Variants in ARHGAP10 observed in about 807,000 individuals in gnomAD.
The protein encoded by ARHGAP10 is rho GTPase-activating protein 10.
A neutral mutation model predicts 108.6 loss-of-function variants in ARHGAP10; 87 were observed. That is an observed-to-expected ratio of 0.80 (90% CI 0.67 to 0.96). The LOEUF is 0.96. Ranked by LOEUF, ARHGAP10 falls within the 40% of genes least tolerant of loss-of-function variation. ARHGAP10 has a pLI of 0.00. For synonymous variants in ARHGAP10, 347 were observed against 341.1 expected, an observed-to-expected ratio of 1.02 and a Z score of -0.19; for missense variants, 939 against 954.5, an observed-to-expected ratio of 0.98 and a Z score of 0.21.
intron 1 of ARHGAP10, among the ~76,000 whole-genome samples, chr4:147,733,728 A>G (rs1228581671): frequency 6.6e-6 from 1 of 152,190 alleles, no homozygotes; most frequent in African/African-American, 2.4e-5. Flanking sequence ...GAATAAGTTG[A>G]AGTACATTTC....
chr4:147,989,793 T>TGTCTTA (rs1453348554), intron 18 of ARHGAP10, among the ~76,000 whole-genome samples: 8 of 152,186 alleles, frequency 5.3e-5, no homozygotes, highest in African/African-American at 1.9e-4. Flanking sequence ...CCTGAGATGA[T>TGTCTTA]ATACATCCTT....
chr4:147,886,217 A>G lies in ARHGAP10; in HGVS notation c.1034+4285A>G, dbSNP rs118158362. ...TCATTGCAAGCATTTTGGATAAAGGATACTCAACCGGTGCATTGCCAATTC... is the reference window on the plus strand; with the variant it reads ...TCATTGCAAGCATTTTGGATAAAGGGTACTCAACCGGTGCATTGCCAATTC... On this transcript the variant is annotated intron_variant, in intron 10 of 22. Coordinates refer to ENST00000336498, the MANE Select transcript of ARHGAP10 (RefSeq NM_024605.4). 3.7e-4 allele frequency among the ~76,000 whole-genome samples: 56 copies of G among 152,350 alleles called. 1 individual carries two copies. The East Asian group carries it at 8.5e-3, about 23-fold the overall frequency.
rs556403162 is a variant in ARHGAP10, at chr4:147,969,583, G to A, written c.1716+2744G>A. On this transcript the variant is annotated intron_variant, in intron 18 of 22. Transcript: ENST00000336498. ...TTATTTGTGAAAATACTGGCTCTGGGTCTTGCTCTTGGATAAAAGGATCTC... is the reference window on the plus strand; with the variant it reads ...TTATTTGTGAAAATACTGGCTCTGGATCTTGCTCTTGGATAAAAGGATCTC... 4.6e-5 allele frequency among the ~76,000 whole-genome samples: 7 copies of A among 152,234 alleles called. No individual in the cohort carries two copies. The South Asian group carries it at 1.2e-3, about 27-fold the overall frequency.
At chr4:147,779,046 T>C (rs1332616897) in intron 1 of ARHGAP10, among the ~76,000 whole-genome samples, 2 of 152,178 alleles carry the variant, frequency 1.3e-5, no homozygotes, top group African/African-American at 4.8e-5. Context: ...GGGCAGTGGT[T>C]CCCAGGGTTT....
At chr4:147,839,442 G>A (rs912198811) in intron 3 of ARHGAP10, among the ~76,000 whole-genome samples, 1 of 152,112 alleles carries the variant, frequency 6.6e-6, no homozygotes, top group African/African-American at 2.4e-5. Flanking sequence ...AATTCCTTCT[G>A]TTTCACTATA....
chr4:147,805,126 A>G (rs1328304707), intron 1 of ARHGAP10, among the ~76,000 whole-genome samples: 1 of 152,112 alleles, frequency 6.6e-6, no homozygotes, highest in Non-Finnish European at 1.5e-5. Flanking sequence ...TGAAGTCTTT[A>G]ATTCATCTTG....
At chr4:147,868,359 C>T (rs1734654503) in intron 7 of ARHGAP10, among the ~76,000 whole-genome samples, 1 of 152,038 alleles carries the variant, frequency 6.6e-6, no homozygotes, top group Non-Finnish European at 1.5e-5. Context: ...GCCTCAGCCT[C>T]CTGAGTAGCT....
intron 14 of ARHGAP10, among the ~76,000 whole-genome samples, chr4:147,941,255 C>T (rs1416876895): frequency 1.3e-5 from 2 of 152,092 alleles, no homozygotes; most frequent in Non-Finnish European, 2.9e-5. Context: ...TTATTATCAT[C>T]TTGTTCCTGT....
chr4:147,899,809 CT>C (rs921885632), intron 10 of ARHGAP10, among the ~76,000 whole-genome samples: 5 of 150,380 alleles, frequency 3.3e-5, no homozygotes, highest in Non-Finnish European at 7.4e-5. Context: ...ACTTTAAAAA[CT>C]TTTTTTGGCT....
chr4:147,745,681 C>T (rs924777503), intron 1 of ARHGAP10, among the ~76,000 whole-genome samples: 7 of 151,880 alleles, frequency 4.6e-5, no homozygotes, highest in African/African-American at 9.7e-5. Flanking sequence ...TTAGTAGAGA[C>T]GGGGTTTCAC....
At chr4:147,869,999 TG>T (rs761727760) in intron 7 of ARHGAP10, among the ~76,000 whole-genome samples, 26,551 of 130,546 alleles carry the variant, frequency 0.2, 3,058 homozygotes, top group African/African-American at 0.25. Flanking sequence ...AGTCCCAGTT[TG>T]TGTGTGTGTG....
At chr4:147,909,896 G>A (rs1033732855) in intron 12 of ARHGAP10, 119 bp downstream of exon 12, 16 of 928,258 alleles carry the variant, frequency 1.7e-5, no homozygotes, top group Non-Finnish European at 2.7e-5. Flanking sequence ...TAGACAGAGG[G>A]GTATTACACG....
chr4:147,811,138 T>A (rs192824857), intron 1 of ARHGAP10, among the ~76,000 whole-genome samples: 20 of 152,356 alleles, frequency 1.3e-4, no homozygotes, highest in African/African-American at 4.8e-4. Flanking sequence ...ACAGCTTCTG[T>A]TAATAAGGGA....
chr4:147,984,954 G>A (rs1373550738), intron 18 of ARHGAP10, among the ~76,000 whole-genome samples: 2 of 152,198 alleles, frequency 1.3e-5, no homozygotes, highest in African/African-American at 2.4e-5. Flanking sequence ...TGGCAGGTCC[G>A]AGCATCAGCT....
At chr4:147,881,753 C>G in intron 9 of ARHGAP10, 85 bp from the exon 10 acceptor site, 1 of 1,177,094 alleles carries the variant, frequency 8.5e-7, no homozygotes, top group Non-Finnish European at 1.2e-6. Context: ...TTGAACCTTG[C>G]TCCCCTGCTC....
intron 1 of ARHGAP10, among the ~76,000 whole-genome samples, chr4:147,732,680 G>A (rs1728267639): frequency 6.6e-6 from 1 of 152,108 alleles, no homozygotes; most frequent in Non-Finnish European, 1.5e-5. Flanking sequence ...GCTCTGCGGC[G>A]GCGGGAACCA....
intron 3 of ARHGAP10, among the ~76,000 whole-genome samples, chr4:147,833,163 G>A (rs1342425586): frequency 6.6e-6 from 1 of 152,160 alleles, no homozygotes; most frequent in African/African-American, 2.4e-5. Context: ...AAAAATATGT[G>A]TGGTGATACG....
chr4:147,970,429 G>T (rs1290353318), intron 18 of ARHGAP10, among the ~76,000 whole-genome samples: 2 of 152,016 alleles, frequency 1.3e-5, no homozygotes, highest in African/African-American at 2.4e-5. Flanking sequence ...GGATGGCGGT[G>T]GGGGGAGGGT....
chr4:147,912,070 A>T (rs1421239010), intron 12 of ARHGAP10, among the ~76,000 whole-genome samples: 1 of 149,012 alleles, frequency 6.7e-6, no homozygotes, highest in Non-Finnish European at 1.5e-5. Context: ...CTGCTGTTGG[A>T]ATTTTTGGCA....
Sources: allele counts gnomAD v4.1 joint callset (sites outside exome capture counted in the v4.1 genomes callset), GRCh38; gene constraint gnomAD v4.1.1; transcripts MANE v1.5; gene names NCBI Gene and HGNC (gene_info 2026-07-23, HGNC 2026-07-21).